Variants in UTP20 observed in about 807,000 individuals in gnomAD.
The protein encoded by UTP20 is UTP20 small subunit processome component.
In UTP20, 164 loss-of-function variants were observed where a neutral mutation model predicts 329.5. That is an observed-to-expected ratio of 0.50 (90% CI 0.44 to 0.57). The LOEUF is 0.57. Ranked by LOEUF, UTP20 falls within the 20% of genes least tolerant of loss-of-function variation. The probability of loss-of-function intolerance (pLI) is 0.00; values close to 1 mark genes in which losing one functional copy is unlikely to be tolerated. For missense variants in UTP20, 3,055 were observed against 3,284.2 expected (o/e 0.93, Z 1.71); for synonymous variants, 1,151 against 1,159.3 (o/e 0.99, Z 0.14).
chr12:101,303,629 G>A (rs1263257395), intron 15 of UTP20, among the ~76,000 whole-genome samples: 1 of 152,182 alleles, frequency 6.6e-6, no homozygotes, highest in Non-Finnish European at 1.5e-5. Flanking sequence ...AGAGTGGGCT[G>A]TAGGAGAAGA....
chr12:101,376,478 T>C (rs1870476727), intron 56 of UTP20, among the ~76,000 whole-genome samples: 2 of 152,168 alleles, frequency 1.3e-5, no homozygotes, highest in Admixed American at 1.3e-4. Flanking sequence ...AGCCTGTTGC[T>C]AAAAACCTTT....
rs760110925 is a variant in UTP20, at chr12:101,385,716, G to A, written c.8190G>A (p.Arg2730=). 2 of 1,611,200 alleles carry A rather than the reference G, an allele frequency of 1.2e-6. No individual in the cohort carries two copies. Among genetic ancestry groups the A allele is most frequent in the South Asian group, 1.1e-5 (1 of 90,218 alleles). Residue 2730 remains arginine (R), a synonymous_variant, in exon 61 of 62, where the codon AGG becomes AGA. Transcript: ENST00000261637. The stretch of plus-strand genomic sequence containing the variant: ...AGAAAAGGGCACTCCGGAAAAAGAG[G>A]AAGGCCCTGGAGGTAAGTTTGCTCT... ...ANEKRALRKK[R]KALEFVTNPD... is the part of the protein sequence containing the mutation.
chr12:101,317,613 G>A lies in UTP20; in HGVS notation c.2688G>A (p.Val896=), dbSNP rs1197754638. ...GDDEELEEEA[V]PQDESSQKKK... ...ATGAAGAGTTGGAGGAAGAGGCAGT[G>A]CCCCAAGATGAATCCTCACAGAAGA... The change falls in exon 22 of 62, where the codon GTG becomes GTA. Residue 896 remains valine, a synonymous_variant. Transcript: ENST00000261637. 6.2e-7 allele frequency: 1 copy of A among 1,613,796 alleles called. No homozygotes were observed. Among genetic ancestry groups the A allele is most frequent in the Non-Finnish European group, 8.5e-7 (1 of 1,180,000 alleles).
rs780787680 is a variant in UTP20, at chr12:101,321,490, C to G, written c.2916-14C>G. 6.2e-6 allele frequency: 10 copies of G among 1,611,318 alleles called. No homozygotes were observed. The South Asian group carries it at 9.9e-5, about 16-fold the overall frequency. Reference sequence around the variant, plus strand: ...TGATAAAGTGGTGATTTGTGCTGTTCTCTGTTTTTAAAGGGAAAACTTACA... The same window carrying G: ...TGATAAAGTGGTGATTTGTGCTGTTGTCTGTTTTTAAAGGGAAAACTTACA... On this transcript the variant is annotated splice_polypyrimidine_tract_variant and intron_variant, in intron 24 of 61. Transcript: ENST00000261637.
Position 101,353,406 on chromosome 12 carries a change from A to G in UTP20, c.5107+277A>G, listed in dbSNP as rs111468216. 1.5e-3 allele frequency among the ~76,000 whole-genome samples: 234 copies of G among 152,380 alleles called. 2 individuals carry two copies. Among genetic ancestry groups the G allele is most frequent in the African/African-American group, 5.4e-3 (226 of 41,598 alleles). On this transcript the variant is annotated intron_variant, in intron 40 of 61. Transcript: ENST00000261637. The stretch of plus-strand genomic sequence containing the variant: ...TCCAATTTTATCACCTTCTTGTGTG[A>G]AAAGAGCATTACACAATGAATGGAA...
At position 101,321,406 on chromosome 12, in the gene UTP20, C is replaced by T. The variant is rs183817476; in HGVS notation, c.2916-98C>T. ...ATCAACCATAATATGTACTATATACCTTATTTTAGTTATTACTCTGTGTAC... is the reference window on the plus strand; with the variant it reads ...ATCAACCATAATATGTACTATATACTTTATTTTAGTTATTACTCTGTGTAC... On this transcript the variant is annotated intron_variant, in intron 24 of 61. Coordinates refer to ENST00000261637, the MANE Select transcript of UTP20 (RefSeq NM_014503.3). The T allele has an allele frequency of 1.9e-3, 2,900 of 1,516,836 alleles. 5 individuals are homozygous for T. Among genetic ancestry groups the T allele is most frequent in the Admixed American group, 3.3e-3 (177 of 53,784 alleles). 94.0% of individuals were successfully genotyped at this position (1,516,836 alleles called of 1,614,324 possible). A position where few individuals can be genotyped will look rare whatever the true frequency, so the allele number is the denominator to read the frequency against.
intron 45 of UTP20, among the ~76,000 whole-genome samples, chr12:101,365,072 T>TTGTG (rs60890980): frequency 0.035 from 4,921 of 141,908 alleles, 101 homozygotes; most frequent in Middle Eastern, 0.083. Flanking sequence ...ATTTTGTTGA[T>TTGTG]TGTGTGTGTG....
At position 101,373,482 on chromosome 12, in the gene UTP20, C is replaced by G; in HGVS notation, c.6948+12C>G. On this transcript the variant is annotated intron_variant, in intron 53 of 61. Coordinates refer to ENST00000261637, the MANE Select transcript of UTP20 (RefSeq NM_014503.3). The stretch of plus-strand genomic sequence containing the variant: ...ACACGTTCCCTCAGGTACTGTGACC[C>G]CAGAGATAAGCCCCGTGACTCCTGG... 1 of 1,614,114 alleles carries G rather than the reference C, an allele frequency of 6.2e-7. No homozygotes were observed. Among genetic ancestry groups the G allele is most frequent in the Non-Finnish European group, 8.5e-7 (1 of 1,179,990 alleles).
Position 101,369,847 on chromosome 12 carries a change from G to A in UTP20, c.6511G>A (p.Ala2171Thr). 1 of 1,614,052 alleles carries A rather than the reference G, an allele frequency of 6.2e-7. No individual in the cohort carries two copies. Among genetic ancestry groups the A allele is most frequent in the Non-Finnish European group, 8.5e-7 (1 of 1,180,004 alleles). ...GCTGAAGGACTATGCAAAGCTCGGG[G>A]CCGCCAGGGGCCAGAACTTCCACCT... is the stretch of plus-strand genomic sequence containing the variant. ...LLLKDYAKLG[A>T]ARGQNFHLVV... The change falls in exon 49 of 62, where the codon GCC (alanine) becomes ACC (threonine). Residue 2171 changes from alanine (A) to threonine (T), a missense_variant. Around this residue, in one of 3 missense-constraint regions of UTP20, gnomAD observed 2,445 missense variants for 2,575.5 expected, o/e 0.95. Coordinates refer to ENST00000261637, the MANE Select transcript of UTP20 (RefSeq NM_014503.3).
chr12:101,385,611 A>T lies in UTP20; in HGVS notation c.8085A>T (p.Glu2695Asp). ...QDPLLKNLSQ[E>D]IIELLKKLVG... ...CTTTGCTGAAGAATCTATCCCAGGA[A>T]ATCATAGAATTACTCAAAAAGCTGG... Residue 2695 changes from glutamate (E) to aspartate (D), a missense_variant, in exon 61 of 62, where the codon GAA becomes GAT. Glu to Asp is a conservative substitution (Grantham distance 45, BLOSUM62 2). Coordinates refer to ENST00000261637, the MANE Select transcript of UTP20 (RefSeq NM_014503.3). 1 of 1,613,758 alleles carries T rather than the reference A, an allele frequency of 6.2e-7. No homozygotes were observed. The highest frequency in any genetic ancestry group is 8.5e-7 in the Non-Finnish European group (1 of 1,179,944).
intron 26 of UTP20, among the ~76,000 whole-genome samples, 162 bp downstream of exon 26, chr12:101,327,409 A>G (rs181728079): frequency 3.3e-5 from 5 of 152,314 alleles, no homozygotes; most frequent in East Asian, 1.9e-4. Flanking sequence ...TTAAACTTCA[A>G]TTAAATTGCG....
In UTP20 at chr12:101,369,791, C is replaced by G. The variant is rs532458001; in HGVS notation, c.6455C>G (p.Ala2152Gly). The change falls in exon 49 of 62, where the codon GCA (alanine) becomes GGA (glycine). Residue 2152 changes from alanine to glycine, a missense_variant. Physicochemically the swap from Ala to Gly is moderately conservative, Grantham distance 60. Transcript: ENST00000261637. ...RFPLPSIETKAEQLTKHLFLL... is the reference protein window; with the variant it reads ...RFPLPSIETKGEQLTKHLFLL... The stretch of plus-strand genomic sequence containing the variant: ...CCGCTACCTTCCATAGAAACAAAAG[C>G]AGAGCAGCTGACAAAACACCTCTTC... 31 of 1,611,636 alleles carry G rather than the reference C, an allele frequency of 1.9e-5. No individual in the cohort carries two copies. In the African/African-American group the frequency reaches 3.9e-4, roughly 20 times the overall value.
intron 41 of UTP20, 45 bp downstream of exon 41, chr12:101,355,163 T>C (rs1479883361): frequency 3.8e-6 from 6 of 1,580,036 alleles, no homozygotes; most frequent in Non-Finnish European, 5.2e-6. Context: ...TGAATTCTGG[T>C]GTTGGTGGAG....
chr12:101,293,569 A>G (rs1256882639), intron 11 of UTP20, among the ~76,000 whole-genome samples: 1 of 152,232 alleles, frequency 6.6e-6, no homozygotes, highest in East Asian at 1.9e-4. Context: ...TTGCTCCAAA[A>G]TAAGGTAACT....
chr12:101,326,397 A>G (rs969893499), intron 25 of UTP20, among the ~76,000 whole-genome samples: 4 of 152,154 alleles, frequency 2.6e-5, no homozygotes, highest in African/African-American at 7.2e-5. Context: ...ATGAAACTTC[A>G]TAGCATAGAA....
chr12:101,308,794 G>A (rs191358866), intron 18 of UTP20, among the ~76,000 whole-genome samples: 8 of 150,634 alleles, frequency 5.3e-5, no homozygotes, highest in East Asian at 3.9e-4. Flanking sequence ...GTGCAGTGGC[G>A]CAATCTCTGC....
At position 101,281,727 on chromosome 12, in the gene UTP20, A is replaced by T. The variant is rs541241181; in HGVS notation, c.126+531A>T. 7.2e-5 allele frequency among the ~76,000 whole-genome samples: 11 copies of T among 152,144 alleles called. No individual in the cohort carries two copies. The South Asian group carries it at 2.3e-3, about 32-fold the overall frequency. On this transcript the variant is annotated intron_variant, in intron 2 of 61. Transcript: ENST00000261637. ...TTATTTATTTATTCATTTTTTTGAG[A>T]TGGAGTCTCGCTCCGTCTCCAGGTT...
chr12:101,382,373 G>A (rs1565810489), intron 58 of UTP20, among the ~76,000 whole-genome samples: 2 of 152,144 alleles, frequency 1.3e-5, no homozygotes, highest in Non-Finnish European at 2.9e-5. Flanking sequence ...ACTCCAGCCT[G>A]GGTAACAAAG....
At chr12:101,357,660 G>A (rs982516713) in intron 43 of UTP20, among the ~76,000 whole-genome samples, 2 of 152,166 alleles carry the variant, frequency 1.3e-5, no homozygotes, top group African/African-American at 4.8e-5. Flanking sequence ...AGGCTGAGGT[G>A]GGAGGATTGC....
Sources: gnomAD v4.1 joint callset for allele counts (sites outside exome capture counted in the v4.1 genomes callset) on GRCh38, gnomAD v4.1.1 for gene constraint, gnomAD v4.1.1 regional missense constraint, MANE v1.5 for transcripts, NCBI Gene and HGNC (gene_info 2026-07-23, HGNC 2026-07-21) for gene names.